The following ALCAM variants were observed in gnomAD, a reference collection of about 807,000 sequenced individuals.
ALCAM encodes CD166 antigen.
ALCAM carries 30 observed loss-of-function variants against 70.9 expected under a neutral mutation model. The observed-to-expected ratio is 0.42, with a 90% CI of 0.32 to 0.57. The LOEUF (loss-of-function observed/expected upper bound fraction) is 0.57, where lower values mean the gene tolerates loss of function less well. Ranked by LOEUF, ALCAM falls within the 20% of genes least tolerant of loss-of-function variation. The pLI, the probability that ALCAM is intolerant of heterozygous loss-of-function variation, is 0.11. For synonymous variants in ALCAM, 249 were observed against 242.5 expected (o/e 1.03, Z -0.25); for missense variants, 591 against 695.1 (o/e 0.85, Z 1.68).
At chr3:105,524,731 C>A (rs1939652372) in intron 3 of ALCAM, 2 of 1,292,960 alleles carry the variant, frequency 1.5e-6, no homozygotes, top group African/African-American at 2.9e-5. Flanking sequence ...AAATAATATT[C>A]TCTGTTACTT....
chr3:105,476,171 A>C (rs13064396), intron 1 of ALCAM, among the ~76,000 whole-genome samples: 109,306 of 151,778 alleles, frequency 0.72, 39,601 homozygotes, highest in East Asian at 0.93. Context: ...TTGTTCCTGT[A>C]ATCCAACACA....
chr3:105,508,223 A>G (rs1939135396), intron 1 of ALCAM, among the ~76,000 whole-genome samples: 1 of 152,188 alleles, frequency 6.6e-6, no homozygotes, highest in Admixed American at 6.5e-5. Context: ...AAGCATTTTA[A>G]TACTTTCCAA....
At chr3:105,538,703 G>A (rs1292951226) in intron 6 of ALCAM, among the ~76,000 whole-genome samples, 3 of 152,074 alleles carry the variant, frequency 2.0e-5, no homozygotes, top group African/African-American at 4.8e-5. Context: ...AGAGAGGCCC[G>A]GAAACGGAAG....
intron 1 of ALCAM, among the ~76,000 whole-genome samples, chr3:105,475,473 G>A (rs1938083727): frequency 6.6e-6 from 1 of 151,852 alleles, no homozygotes; most frequent in Admixed American, 6.6e-5. Flanking sequence ...CTAATTTGCT[G>A]GCTATGTTAT....
intron 1 of ALCAM, among the ~76,000 whole-genome samples, chr3:105,372,242 C>A (rs1339509432): frequency 6.6e-6 from 1 of 151,912 alleles, no homozygotes; most frequent in African/African-American, 2.4e-5. Context: ...AATCTAAATC[C>A]TACAATTATT....
chr3:105,559,157 A>C (rs1327972556), intron 14 of ALCAM, among the ~76,000 whole-genome samples: 1 of 148,606 alleles, frequency 6.7e-6, no homozygotes, highest in Non-Finnish European at 1.5e-5. Context: ...TATAAATTGT[A>C]AAATAAATGT....
intron 1 of ALCAM, among the ~76,000 whole-genome samples, chr3:105,517,510 A>G (rs1054648322): frequency 6.6e-6 from 1 of 152,176 alleles, no homozygotes; most frequent in Non-Finnish European, 1.5e-5. Context: ...CAATACTTGA[A>G]TAAACAACTT....
chr3:105,545,308 C>A lies in ALCAM; in HGVS notation c.1077C>A (p.Ser359Arg). Residue 359 changes from serine (S) to arginine (R), a missense_variant, in exon 9 of 16, where the codon AGC (serine) becomes AGA (arginine). Around this residue, in one of 2 missense-constraint regions of ALCAM, gnomAD observed 427 missense variants for 450.4 expected, o/e 0.95. Transcript: ENST00000306107. ...CCGTGTCATGCACAATATCTGCTAG[C>A]AGGAATGCAACTGTGGTATGGATGA... ...ALPVSCTISA[S>R]RNATVVWMKD... is the part of the protein sequence containing the mutation. The A allele has an allele frequency of 6.2e-7, 1 of 1,608,192 alleles. No homozygotes were observed. The highest frequency in any genetic ancestry group is 8.5e-7 in the Non-Finnish European group (1 of 1,175,612).
chr3:105,396,465 A>AG (rs1491285455), intron 1 of ALCAM, among the ~76,000 whole-genome samples: 1 of 152,038 alleles, frequency 6.6e-6, no homozygotes, highest in Non-Finnish European at 1.5e-5. Context: ...ATCTGGAGAA[A>AG]GAGACAAAAC....
chr3:105,546,603 T>A (rs1336770463), intron 9 of ALCAM, among the ~76,000 whole-genome samples: 1 of 151,520 alleles, frequency 6.6e-6, no homozygotes, highest in Non-Finnish European at 1.5e-5. Context: ...ACTATAGGAC[T>A]AGAGAAACTA....
chr3:105,551,298 C>T (rs894599204), intron 12 of ALCAM, among the ~76,000 whole-genome samples: 1 of 151,640 alleles, frequency 6.6e-6, no homozygotes, highest in Non-Finnish European at 1.5e-5. Flanking sequence ...GGAAGAGAAC[C>T]TACCCTTTCT....
In ALCAM at chr3:105,478,039, G is replaced by T. The variant is rs189515826; in HGVS notation, c.74-42028G>T. Among the ~76,000 whole-genome samples, 787 of 151,982 alleles carry T rather than the reference G, an allele frequency of 5.2e-3. 3 individuals are homozygous for T. The highest frequency in any genetic ancestry group is 0.017 in the African/African-American group (711 of 41,466). On this transcript the variant is annotated intron_variant, in intron 1 of 15. Coordinates refer to ENST00000306107, the MANE Select transcript of ALCAM (RefSeq NM_001627.4). ...ATAGTGTGAGCTAATTCTAACATCT[G>T]TGTCATCTTTGGATCATTCTCCCTT... is the stretch of plus-strand genomic sequence containing the variant.
At chr3:105,543,012 G>A (rs188614231) in intron 8 of ALCAM, among the ~76,000 whole-genome samples, 1 of 151,882 alleles carries the variant, frequency 6.6e-6, no homozygotes, top group African/African-American at 2.4e-5. Flanking sequence ...AATATAGCCA[G>A]CAGATAGAAC....
chr3:105,461,501 A>C (rs1392788329), intron 1 of ALCAM, among the ~76,000 whole-genome samples: 1 of 151,814 alleles, frequency 6.6e-6, no homozygotes, highest in Non-Finnish European at 1.5e-5. Flanking sequence ...AAATAAAATT[A>C]AGTGTCAATG....
chr3:105,505,003 C>T (rs1252794671), intron 1 of ALCAM, among the ~76,000 whole-genome samples: 1 of 152,222 alleles, frequency 6.6e-6, no homozygotes, highest in East Asian at 1.9e-4. Context: ...AAGTAACTCA[C>T]TAGAAGTCAC....
intron 1 of ALCAM, among the ~76,000 whole-genome samples, chr3:105,455,754 T>A (rs1271456704): frequency 6.6e-6 from 1 of 152,212 alleles, no homozygotes; most frequent in Non-Finnish European, 1.5e-5. Context: ...ACCCAGAAGT[T>A]ACTACCCTTT....
intron 3 of ALCAM, among the ~76,000 whole-genome samples, chr3:105,526,629 C>A (rs1939713137): frequency 1.3e-5 from 2 of 152,048 alleles, no homozygotes. Context: ...ATCGTGAGAC[C>A]CTCCAAATCC....
Position 105,574,564 on chromosome 3 carries a change from A to G in ALCAM, c.*113A>G, listed in dbSNP as rs1237903993. ...GACATTGACAGCAATTCATGGTTCA[A>G]GTATTAAGCAGTTCATTCTACCAAG... On this transcript the variant is annotated 3_prime_UTR_variant, in exon 16 of 16. Transcript: ENST00000306107. The G allele has an allele frequency of 6.6e-6, 1 of 152,642 alleles. No homozygotes were observed. Among genetic ancestry groups the G allele is most frequent in the Non-Finnish European group, 1.5e-5 (1 of 68,038 alleles). 9.5% of individuals were successfully genotyped at this position (152,642 alleles called of 1,614,324 possible). A position where few individuals can be genotyped will look rare whatever the true frequency, so the allele number is the denominator to read the frequency against.
chr3:105,498,008 G>A (rs1938803657), intron 1 of ALCAM, among the ~76,000 whole-genome samples: 1 of 150,924 alleles, frequency 6.6e-6, no homozygotes, highest in Non-Finnish European at 1.5e-5. Context: ...TCAAGCCTGG[G>A]CGACAGAGCG....
Sources: gnomAD v4.1 joint callset for allele counts (sites outside exome capture counted in the v4.1 genomes callset) on GRCh38, gnomAD v4.1.1 for gene constraint, gnomAD v4.1.1 regional missense constraint, MANE v1.5 for transcripts, NCBI Gene and HGNC (gene_info 2026-07-23, HGNC 2026-07-21) for gene names.